COL4A6: variants seen among roughly 807,000 people sequenced by gnomAD.
COL4A6 encodes the protein collagen alpha-6(IV) chain.
COL4A6 carries 59 observed loss-of-function variants against 126.7 expected under a neutral mutation model. The observed-to-expected ratio is 0.47, with a 90% CI of 0.38 to 0.58. COL4A6 has a LOEUF of 0.58. COL4A6 is among the 20% of genes least tolerant of loss of function. COL4A6 has a pLI of 0.00. For synonymous variants in COL4A6, 547 were observed against 496.6 expected, an observed-to-expected ratio of 1.10 and a Z score of -1.35; for missense variants, 1,285 against 1,337.3, an observed-to-expected ratio of 0.96 and a Z score of 0.61.
chrX:108,185,222 T>C lies in COL4A6; in HGVS notation c.1951+1874A>G, dbSNP rs1318792414. 2.7e-5 allele frequency among the ~76,000 whole-genome samples: 3 copies of C among 110,234 alleles called. No homozygotes were observed. In the Admixed American group the frequency reaches 2.9e-4, roughly 11 times the overall value. ...GCCTGGCCAACATGGTGAAAGCCTG[T>C]CTCTACTAAAAATTCGAAAATTATC... is the stretch of plus-strand genomic sequence containing the variant. On this transcript the variant is annotated intron_variant, in intron 23 of 44. Coordinates refer to ENST00000334504, the MANE Select transcript of COL4A6 (RefSeq NM_033641.4).
chrX:108,382,800 A>T (rs968850164), intron 2 of COL4A6, among the ~76,000 whole-genome samples: 129 of 108,160 alleles, frequency 1.2e-3, no homozygotes, highest in Non-Finnish European at 2.3e-3. Context: ...TACAAAAATT[A>T]GCTGGGCGGT....
intron 2 of COL4A6, among the ~76,000 whole-genome samples, chrX:108,385,115 A>G (rs1214175466): frequency 1.8e-5 from 2 of 110,357 alleles, no homozygotes; most frequent in African/African-American, 3.3e-5. Context: ...TACTATATGA[A>G]TGGGAAATAT....
chrX:108,360,498 T>G (rs1011292374), intron 2 of COL4A6, among the ~76,000 whole-genome samples: 1 of 109,731 alleles, frequency 9.1e-6, no homozygotes, highest in African/African-American at 3.3e-5. Flanking sequence ...GCGATTAGTA[T>G]AGTCAGGGCA....
intron 3 of COL4A6, among the ~76,000 whole-genome samples, chrX:108,286,260 T>G (rs2038004694): frequency 8.9e-6 from 1 of 111,830 alleles, no homozygotes; most frequent in African/African-American, 3.3e-5. Context: ...ACAAACAAGT[T>G]TTTAATTTCT....
intron 2 of COL4A6, among the ~76,000 whole-genome samples, chrX:108,423,210 T>C (rs1474952618): frequency 8.9e-6 from 1 of 112,027 alleles, no homozygotes; most frequent in Non-Finnish European, 1.9e-5. Context: ...CAAAACGTTA[T>C]GTGATGTGGT....
chrX:108,188,369 A>C (rs1483601328), intron 21 of COL4A6, 148 bp downstream of exon 21: 1 of 506,201 alleles, frequency 2.0e-6, no homozygotes, highest in Admixed American at 4.8e-5. Flanking sequence ...GAGACTCTAT[A>C]GTCAGATTTC....
At chrX:108,400,682 ATG>A (rs373756838) in intron 2 of COL4A6, among the ~76,000 whole-genome samples, 13 of 108,907 alleles carry the variant, frequency 1.2e-4, no homozygotes, top group Admixed American at 2.0e-4. Flanking sequence ...GTATGTATGT[ATG>A]TGTGTGTGTG....
intron 32 of COL4A6, among the ~76,000 whole-genome samples, chrX:108,171,937 A>C (rs2034318399): frequency 8.9e-6 from 1 of 112,366 alleles, no homozygotes. Flanking sequence ...AGATCTTGGT[A>C]AGTACCATTG....
intron 2 of COL4A6, among the ~76,000 whole-genome samples, chrX:108,339,506 A>G (rs912828012): frequency 1.8e-5 from 2 of 111,091 alleles, no homozygotes; most frequent in African/African-American, 6.5e-5. Flanking sequence ...CACCCTCCCA[A>G]ACTTTGATAG....
intron 3 of COL4A6, among the ~76,000 whole-genome samples, chrX:108,273,777 C>T (rs1321221689): frequency 8.9e-6 from 1 of 112,127 alleles, no homozygotes; most frequent in Non-Finnish European, 1.9e-5. Context: ...TAATCTCCTG[C>T]CATGTTTTCT....
Position 108,298,526 on chromosome X carries a change from G to A in COL4A6, c.144+12222C>T, listed in dbSNP as rs770099987. On this transcript the variant is annotated intron_variant, in intron 3 of 44. Transcript: ENST00000334504. ...CCAGCCACGGGTGGGTGATGGCGCT[G>A]CAGGGATGGCTGTGTGTGGGAACGG... is the stretch of plus-strand genomic sequence containing the variant. 2.8e-4 allele frequency among the ~76,000 whole-genome samples: 31 copies of A among 111,757 alleles called. No homozygotes were observed. In the Admixed American group the frequency reaches 2.8e-3, roughly 10 times the overall value.
intron 3 of COL4A6, among the ~76,000 whole-genome samples, chrX:108,254,360 T>C (rs2036936337): frequency 9.0e-6 from 1 of 111,606 alleles, no homozygotes; most frequent in African/African-American, 3.2e-5. Flanking sequence ...GTGGCATACC[T>C]GTAATCCTAT....
At chrX:108,392,306 T>A (rs2040855427) in intron 2 of COL4A6, among the ~76,000 whole-genome samples, 1 of 111,089 alleles carries the variant, frequency 9.0e-6, no homozygotes, top group Non-Finnish European at 1.9e-5. Context: ...AAAGACACTA[T>A]CAAGAAATTG....
chrX:108,281,819 C>T (rs2037840748), intron 3 of COL4A6, among the ~76,000 whole-genome samples: 1 of 110,524 alleles, frequency 9.0e-6, no homozygotes, highest in South Asian at 4.0e-4. Flanking sequence ...TGGAACACAA[C>T]AGAGCCCTCA....
chrX:108,302,526 GTAT>G (rs1254244276), intron 3 of COL4A6, among the ~76,000 whole-genome samples: 1 of 111,613 alleles, frequency 9.0e-6, no homozygotes, highest in African/African-American at 3.3e-5. Flanking sequence ...TACATTACTA[GTAT>G]TATCTCCAAT....
At chrX:108,255,776 G>A (rs749350313) in intron 3 of COL4A6, among the ~76,000 whole-genome samples, 59 of 111,126 alleles carry the variant, frequency 5.3e-4, no homozygotes, top group African/African-American at 1.7e-3. Flanking sequence ...ATCAACCACA[G>A]CCAAAACATC....
chrX:108,240,447 A>G (rs2036544004), intron 3 of COL4A6, among the ~76,000 whole-genome samples: 1 of 112,233 alleles, frequency 8.9e-6, no homozygotes, highest in Admixed American at 9.4e-5. Flanking sequence ...CAGGTAAATT[A>G]CTAATAAAAA....
Position 108,160,595 on chromosome X carries a change from C to T in COL4A6, c.4393G>A (p.Val1465Met), listed in dbSNP as rs1259124311. The change falls in exon 43 of 45, where the codon GTG (valine) becomes ATG (methionine). Residue 1465 changes from valine (V) to methionine (M), a missense_variant. Val to Met is a conservative substitution (Grantham distance 21). Coordinates refer to ENST00000334504, the MANE Select transcript of COL4A6 (RefSeq NM_033641.4). ...CTGTGCTTTACCAACGTGTAGCCCACTCTCATGCTCTGGCCAGGCATTCCA... is the reference window on the plus strand; with the variant it reads ...CTGTGCTTTACCAACGTGTAGCCCATTCTCATGCTCTGGCCAGGCATTCCA... ...MPGMPGQSMR[V>M]GYTLVKHSQS... The T allele has an allele frequency of 2.5e-6, 3 of 1,209,973 alleles. No individual in the cohort carries two copies. The highest frequency in any genetic ancestry group is 3.4e-6 in the Non-Finnish European group (3 of 895,087).
chrX:108,283,881 C>G (rs2037930075), intron 3 of COL4A6, among the ~76,000 whole-genome samples: 1 of 111,140 alleles, frequency 9.0e-6, no homozygotes. Flanking sequence ...AAAAGGTGGG[C>G]TGTGGGGGAG....
Sources: allele counts gnomAD v4.1 joint callset (sites outside exome capture counted in the v4.1 genomes callset), GRCh38; gene constraint gnomAD v4.1.1; transcripts MANE v1.5; gene names NCBI Gene and HGNC (gene_info 2026-07-23, HGNC 2026-07-21).